The following TNRC18 variants were observed in gnomAD, a reference collection of about 807,000 sequenced individuals.
The protein encoded by TNRC18 is trinucleotide repeat containing 18.
A neutral mutation model predicts 226.7 loss-of-function variants in TNRC18; 69 were observed. The ratio of observed to expected loss-of-function variants is 0.30; its 90% CI spans 0.25 to 0.37. The LOEUF (loss-of-function observed/expected upper bound fraction) is 0.37. Ranked by LOEUF, TNRC18 falls within the 10% of genes least tolerant of loss-of-function variation. The pLI, the probability that TNRC18 is intolerant of heterozygous loss-of-function variation, is 1.00. For synonymous variants in TNRC18, 2,449 were observed against 1,927.6 expected (o/e 1.27, Z -7.09); for missense variants, 4,754 against 4,256.6 (o/e 1.12, Z -3.25).
intron 15 of TNRC18, 109 bp downstream of exon 15, chr7:5,359,289 A>C: frequency 8.8e-7 from 1 of 1,139,866 alleles, no homozygotes; most frequent in East Asian, 2.4e-5. Flanking sequence ...ACCACTTCTA[A>C]GGTTTCTGTA....
rs564526141 is a variant in TNRC18 at position 5,334,107 on chromosome 7, G to A, written c.5720-1058C>T. Among the ~76,000 whole-genome samples, 4 of 152,118 alleles carry A rather than the reference G, an allele frequency of 2.6e-5. No homozygotes were observed. In the South Asian group the frequency reaches 8.3e-4, roughly 32 times the overall value. ...TTAACAACCTCAGGGAGAGCCAGTG[G>A]TCTGCCTTAAATCCTCCAGCACAGG... On this transcript the variant is annotated intron_variant, in intron 18 of 29. Coordinates refer to ENST00000430969, the MANE Select transcript of TNRC18 (RefSeq NM_001080495.3).
chr7:5,349,766 G>A (rs1456262561), intron 17 of TNRC18, among the ~76,000 whole-genome samples: 1 of 152,164 alleles, frequency 6.6e-6, no homozygotes, highest in Non-Finnish European at 1.5e-5. Context: ...AGGGATGGTC[G>A]GGCTGCTGGA....
chr7:5,361,782 G>A, intron 13 of TNRC18, 60 bp from the exon 14 acceptor site: 1 of 1,540,146 alleles, frequency 6.5e-7, no homozygotes, highest in Non-Finnish European at 8.7e-7. Context: ...GCGGAGAACG[G>A]GCACACGATG....
In TNRC18 at chr7:5,315,240, G is replaced by A. The variant is rs1488730157; in HGVS notation, c.6863-92C>T. On this transcript the variant is annotated intron_variant, in intron 25 of 29. Transcript: ENST00000430969. ...GGTCTGTCCCGGGGATCAGGGATGG[G>A]GGCGGAAGCAACCGACACCAGGTGG... 9.4e-6 allele frequency: 13 copies of A among 1,386,798 alleles called. No individual in the cohort carries two copies. The East Asian group carries it at 2.0e-4, about 21-fold the overall frequency. 85.9% of individuals were successfully genotyped at this position (1,386,798 alleles called of 1,614,324 possible).
Position 5,381,029 on chromosome 7 carries a change from C to T in TNRC18, c.2153-3005G>A, listed in dbSNP as rs545168707. On this transcript the variant is annotated intron_variant, in intron 5 of 29. Coordinates refer to ENST00000430969, the MANE Select transcript of TNRC18 (RefSeq NM_001080495.3). ...GGCTGCCCCAAGCCCTCTGTCCCCC[C>T]GACTGTCCCGGCTGTCACTGTGAAT... 2.6e-4 allele frequency among the ~76,000 whole-genome samples: 39 copies of T among 152,064 alleles called. No individual in the cohort carries two copies. In the South Asian group the frequency reaches 7.7e-3, roughly 30 times the overall value.
At chr7:5,337,814 C>A (rs892300250) in intron 18 of TNRC18, among the ~76,000 whole-genome samples, 4 of 152,016 alleles carry the variant, frequency 2.6e-5, no homozygotes, top group African/African-American at 9.7e-5. Flanking sequence ...GAAACCCCAT[C>A]TCTACTAAAA....
chr7:5,331,305 A>G (rs1388061344), intron 19 of TNRC18, among the ~76,000 whole-genome samples: 1 of 152,212 alleles, frequency 6.6e-6, no homozygotes, highest in Non-Finnish European at 1.5e-5. Flanking sequence ...ACTGGCCCTC[A>G]GCTTCCTAGT....
At position 5,362,793 on chromosome 7, in the gene TNRC18, G is replaced by A. The variant is rs779733873; in HGVS notation, c.4252C>T (p.Leu1418=). Reference sequence around the variant, plus strand: ...CTGCCAGCTGCCAGCAGACTCTCCAGGGAGGGCCGCGCCACCAGGGCCCGC... The same window carrying A: ...CTGCCAGCTGCCAGCAGACTCTCCAAGGAGGGCCGCGCCACCAGGGCCCGC... ...AERALVARPS[L]ESLLAAGSHM... is the part of the protein sequence containing the mutation. The change falls in exon 12 of 30, where the codon CTG becomes TTG. Residue 1418 remains leucine, a synonymous_variant. Coordinates refer to ENST00000430969, the MANE Select transcript of TNRC18 (RefSeq NM_001080495.3). The A allele has an allele frequency of 2.5e-6, 4 of 1,569,688 alleles. No homozygotes were observed. Among genetic ancestry groups the A allele is most frequent in the South Asian group, 1.2e-5 (1 of 85,428 alleles).
chr7:5,395,161 G>C (rs1340331687), intron 2 of TNRC18, among the ~76,000 whole-genome samples: 2 of 152,182 alleles, frequency 1.3e-5, no homozygotes, highest in Non-Finnish European at 2.9e-5. Context: ...GGAAGTGCCA[G>C]GTCACACAGC....
At chr7:5,404,101 G>A (rs774245006) in intron 2 of TNRC18, among the ~76,000 whole-genome samples, 14 of 152,148 alleles carry the variant, frequency 9.2e-5, no homozygotes, top group African/African-American at 1.7e-4. Flanking sequence ...GGCCGGGGGC[G>A]GTGGACCATG....
chr7:5,420,301 G>A (rs1378414970), intron 2 of TNRC18: 2 of 442,066 alleles, frequency 4.5e-6, no homozygotes, highest in Non-Finnish European at 9.1e-6. Flanking sequence ...CCGCCGCCTG[G>A]GCCCTGCCCG....
intron 5 of TNRC18, among the ~76,000 whole-genome samples, chr7:5,386,875 G>C (rs1779829178): frequency 6.6e-6 from 1 of 152,152 alleles, no homozygotes; most frequent in African/African-American, 2.4e-5. Context: ...AGGAGTTCGA[G>C]ACCAGCCTGA....
At chr7:5,321,680 T>TTTAC (rs570413198) in intron 21 of TNRC18, among the ~76,000 whole-genome samples, 1 of 150,692 alleles carries the variant, frequency 6.6e-6, no homozygotes, top group South Asian at 2.1e-4. Flanking sequence ...TATTTATTTA[T>TTTAC]TTATTTTTGA....
intron 19 of TNRC18, among the ~76,000 whole-genome samples, chr7:5,327,726 G>T (rs1001535466): frequency 2.6e-5 from 4 of 152,062 alleles, no homozygotes; most frequent in African/African-American, 9.7e-5. Context: ...ACGGCTGGGT[G>T]CCTTCCCCTA....
chr7:5,338,117 T>C (rs187811726), intron 18 of TNRC18, among the ~76,000 whole-genome samples: 307 of 152,298 alleles, frequency 2.0e-3, no homozygotes, highest in Non-Finnish European at 3.1e-3. Context: ...CTGTATTTTA[T>C]GTGAAAAAAA....
intron 2 of TNRC18, among the ~76,000 whole-genome samples, chr7:5,396,801 G>C (rs1021681599): frequency 5.3e-5 from 8 of 152,146 alleles, no homozygotes; most frequent in African/African-American, 1.7e-4. Context: ...TGGGCTCCTA[G>C]ATGGCCCCGG....
intron 2 of TNRC18, among the ~76,000 whole-genome samples, chr7:5,403,545 G>A (rs1447932885): frequency 1.3e-5 from 2 of 151,976 alleles, no homozygotes; most frequent in Non-Finnish European, 2.9e-5. Context: ...TCAATCCTAG[G>A]ACTTTGGGAG....
intron 14 of TNRC18, among the ~76,000 whole-genome samples, chr7:5,361,240 A>T (rs1202640521): frequency 6.6e-6 from 1 of 152,192 alleles, no homozygotes; most frequent in Non-Finnish European, 1.5e-5. Flanking sequence ...AGCCCGTCCC[A>T]ACAAGCAAGG....
intron 11 of TNRC18, among the ~76,000 whole-genome samples, chr7:5,365,681 T>G (rs895121377): frequency 6.6e-6 from 1 of 152,062 alleles, no homozygotes; most frequent in Admixed American, 6.6e-5. Flanking sequence ...CTTAAACTCC[T>G]GGGCACAAGC....
Sources: allele counts gnomAD v4.1 joint callset (sites outside exome capture counted in the v4.1 genomes callset), GRCh38; gene constraint gnomAD v4.1.1; transcripts MANE v1.5; gene names NCBI Gene and HGNC (gene_info 2026-07-23, HGNC 2026-07-21).